Variants in OPHN1 observed in about 807,000 individuals in gnomAD.
OPHN1 encodes the protein oligophrenin-1.
OPHN1 carries 11 observed loss-of-function variants against 60.7 expected under a neutral mutation model. The observed-to-expected ratio is 0.18, with a 90% CI of 0.11 to 0.30. The LOEUF (loss-of-function observed/expected upper bound fraction) is 0.30, where lower values mean the gene tolerates loss of function less well. Ranked by LOEUF, OPHN1 falls within the 10% of genes least tolerant of loss-of-function variation. The pLI, the probability that OPHN1 is intolerant of heterozygous loss-of-function variation, is 1.00. For missense variants in OPHN1, 449 were observed against 611.0 expected, an observed-to-expected ratio of 0.73 and a Z score of 2.80; for synonymous variants, 226 against 222.6, an observed-to-expected ratio of 1.02 and a Z score of -0.14.
chrX:68,366,191 C>G (rs930972163), intron 2 of OPHN1, among the ~76,000 whole-genome samples: 1 of 110,323 alleles, frequency 9.1e-6, no homozygotes, highest in African/African-American at 3.3e-5. Context: ...GCCTACAAAT[C>G]CATGAGCAAG....
At chrX:68,181,216 C>T (rs1221069245) in intron 15 of OPHN1, among the ~76,000 whole-genome samples, 5 of 110,814 alleles carry the variant, frequency 4.5e-5, no homozygotes, top group Non-Finnish European at 7.5e-5. Context: ...GTGGCCTGTT[C>T]GAATCATTAT....
chrX:68,219,737 A>T (rs1466941525), intron 6 of OPHN1, among the ~76,000 whole-genome samples: 2 of 107,303 alleles, frequency 1.9e-5, no homozygotes, highest in Non-Finnish European at 3.9e-5. Flanking sequence ...ACCAATGAGA[A>T]CAAAGACACA....
chrX:68,189,806 C>A (rs1426452638), intron 15 of OPHN1, among the ~76,000 whole-genome samples: 1 of 111,251 alleles, frequency 9.0e-6, no homozygotes, highest in Non-Finnish European at 1.9e-5. Flanking sequence ...TATTTTATTT[C>A]CCAAAAAGAC....
intron 2 of OPHN1, among the ~76,000 whole-genome samples, chrX:68,324,487 T>C (rs953159110): frequency 2.8e-5 from 3 of 105,621 alleles, no homozygotes; most frequent in African/African-American, 1.0e-4. Flanking sequence ...GTGCGCGCTG[T>C]AGTCCCAGCT....
chrX:68,100,599 C>A (rs1054711428), intron 18 of OPHN1, among the ~76,000 whole-genome samples: 2 of 110,913 alleles, frequency 1.8e-5, no homozygotes, highest in Admixed American at 1.9e-4. Flanking sequence ...ACTGTTTCTT[C>A]TATTTTCATA....
At chrX:68,296,836 T>A (rs189285927) in intron 3 of OPHN1, among the ~76,000 whole-genome samples, 14 of 109,916 alleles carry the variant, frequency 1.3e-4, no homozygotes, top group African/African-American at 4.6e-4. Context: ...GATGTCATAA[T>A]CAGCAGCTCT....
At chrX:68,206,495 T>C in intron 10 of OPHN1, 78 bp downstream of exon 10, 3 of 734,187 alleles carry the variant, frequency 4.1e-6, no homozygotes. Flanking sequence ...GATGATTTGA[T>C]ACTAGGTCAA....
chrX:68,387,384 G>C (rs1347108416), intron 2 of OPHN1, among the ~76,000 whole-genome samples: 1 of 111,184 alleles, frequency 9.0e-6, no homozygotes, highest in Non-Finnish European at 1.9e-5. Flanking sequence ...CTCCTAAACT[G>C]ATTGCCCTGC....
intron 11 of OPHN1, 83 bp downstream of exon 11, chrX:68,201,536 G>A (rs2077535138): frequency 5.3e-6 from 4 of 750,123 alleles, no homozygotes; most frequent in Non-Finnish European, 8.3e-6. Flanking sequence ...ATCAACGTGG[G>A]ATGACGGAGG....
At chrX:68,408,933 C>T (rs2078756918) in intron 2 of OPHN1, among the ~76,000 whole-genome samples, 1 of 112,452 alleles carries the variant, frequency 8.9e-6, no homozygotes. Context: ...TGCACTCCAG[C>T]CTGGGAAACA....
At chrX:68,395,055 A>G (rs2078676263) in intron 2 of OPHN1, among the ~76,000 whole-genome samples, 1 of 110,726 alleles carries the variant, frequency 9.0e-6, no homozygotes, top group Non-Finnish European at 1.9e-5. Context: ...TCCCAGACTC[A>G]AGCGATTCTC....
chrX:68,217,672 G>C (rs2077621097), intron 6 of OPHN1, among the ~76,000 whole-genome samples: 1 of 110,914 alleles, frequency 9.0e-6, no homozygotes, highest in South Asian at 3.9e-4. Context: ...GGGACATACT[G>C]ACACCTCACA....
intron 16 of OPHN1, among the ~76,000 whole-genome samples, chrX:68,115,282 G>T (rs2147436153): frequency 8.9e-6 from 1 of 112,240 alleles, no homozygotes; most frequent in Non-Finnish European, 1.9e-5. Flanking sequence ...GTAAACAAAG[G>T]GCTTGTCATA....
chrX:68,094,023 G>A (rs1480397121), intron 19 of OPHN1, among the ~76,000 whole-genome samples: 1 of 110,021 alleles, frequency 9.1e-6, no homozygotes, highest in Non-Finnish European at 1.9e-5. Flanking sequence ...TCTTCTACAA[G>A]TTTTAGTTTT....
At chrX:68,374,890 T>C (rs977059021) in intron 2 of OPHN1, among the ~76,000 whole-genome samples, 4 of 112,218 alleles carry the variant, frequency 3.6e-5, no homozygotes, top group South Asian at 3.7e-4. Flanking sequence ...TTAGTCATTA[T>C]GGAAAAGCAA....
chrX:68,324,130 T>A (rs1346598973), intron 2 of OPHN1, among the ~76,000 whole-genome samples: 1 of 111,637 alleles, frequency 9.0e-6, no homozygotes, highest in Non-Finnish European at 1.9e-5. Context: ...AAAAGTTAGA[T>A]AAAGTGTAAA....
At chrX:68,267,991 T>C (rs1452170307) in intron 5 of OPHN1, among the ~76,000 whole-genome samples, 1 of 110,766 alleles carries the variant, frequency 9.0e-6, no homozygotes, top group African/African-American at 3.3e-5. Flanking sequence ...CAGGAAGGAG[T>C]TGAATCTCTG....
intron 6 of OPHN1, among the ~76,000 whole-genome samples, chrX:68,218,456 C>CGACT (rs1238803674): frequency 9.4e-6 from 1 of 106,292 alleles, no homozygotes; most frequent in African/African-American, 3.4e-5. Flanking sequence ...TTGAAAAGAG[C>CGACT]GACTCCAAGA....
At chrX:68,259,388 C>G (rs762719509) in intron 5 of OPHN1, among the ~76,000 whole-genome samples, 3 of 110,773 alleles carry the variant, frequency 2.7e-5, no homozygotes, top group Non-Finnish European at 5.7e-5. Context: ...GAGTTTAAGG[C>G]TATAGTGAGC....
Sources: allele counts gnomAD v4.1 joint callset (sites outside exome capture counted in the v4.1 genomes callset), GRCh38; gene constraint gnomAD v4.1.1; transcripts MANE v1.5; gene names NCBI Gene and HGNC (gene_info 2026-07-23, HGNC 2026-07-21).